Variants in DMRT3 observed in about 807,000 individuals in gnomAD.
DMRT3 encodes the protein doublesex- and mab-3-related transcription factor 3.
In DMRT3, 29 loss-of-function variants were observed where a neutral mutation model predicts 34.9. The ratio of observed to expected loss-of-function variants is 0.83; its 90% confidence interval spans 0.62 to 1.13. DMRT3 has a LOEUF of 1.13. Among genes scored for constraint, DMRT3 ranks in the 50% most tolerant of loss-of-function variants. The pLI is 0.00. For synonymous variants in DMRT3, 350 were observed against 286.0 expected (o/e 1.22, Z -2.26); for missense variants, 772 against 629.1 (o/e 1.23, Z -2.43).
Position 991,114 on chromosome 9 carries a change from A to C in DMRT3, c.*109A>C. The C allele has an allele frequency of 7.1e-7, 1 of 1,415,440 alleles. No homozygotes were observed. The highest frequency in any genetic ancestry group is 1.4e-5 in the South Asian group (1 of 72,192). 87.7% of individuals were successfully genotyped at this position (1,415,440 alleles called of 1,614,324 possible). Reference sequence around the variant, plus strand: ...TATGCCCTTTCCTTCTGTTTGACAAAGTGACTGTGCTTGATTCTATACATT... The same window carrying C: ...TATGCCCTTTCCTTCTGTTTGACAACGTGACTGTGCTTGATTCTATACATT... On this transcript the variant is annotated 3_prime_UTR_variant, in exon 2 of 2. Coordinates refer to ENST00000190165, the MANE Select transcript of DMRT3 (RefSeq NM_021240.4).
intron 1 of DMRT3, among the ~76,000 whole-genome samples, chr9:989,133 C>T (rs1820319600): frequency 6.6e-6 from 1 of 152,174 alleles, no homozygotes; most frequent in Non-Finnish European, 1.5e-5. Context: ...AAGGTATCTT[C>T]AAATTTCACT....
At chr9:979,433 A>G (rs1820189506) in intron 1 of DMRT3, among the ~76,000 whole-genome samples, 1 of 152,138 alleles carries the variant, frequency 6.6e-6, no homozygotes, top group African/African-American at 2.4e-5. Context: ...ATTGCAAAGG[A>G]GAATAGGATT....
At chr9:989,087 T>G (rs1244673237) in intron 1 of DMRT3, among the ~76,000 whole-genome samples, 2 of 152,104 alleles carry the variant, frequency 1.3e-5, no homozygotes, top group African/African-American at 4.8e-5. Flanking sequence ...TTGGGAAGCC[T>G]TTTTTTCCCT....
intron 1 of DMRT3, among the ~76,000 whole-genome samples, chr9:980,141 C>T (rs1820199229): frequency 5.3e-5 from 8 of 152,110 alleles, no homozygotes; most frequent in Admixed American, 2.0e-4. Context: ...CTCCAGAAAT[C>T]TTTGAGAAAA....
Position 990,125 on chromosome 9 carries a change from C to A in DMRT3, c.539C>A (p.Ser180Tyr). The part of the protein sequence containing the change: ...FSDKDTDQRS[S>Y]PDVAKSKGCF... ...GACAAAGACACTGACCAGAGGAGTT[C>A]CCCAGATGTGGCAAAGAGTAAGGGC... Residue 180 changes from serine (S) to tyrosine (Y), a missense_variant, in exon 2 of 2, where the codon TCC becomes TAC. Transcript: ENST00000190165. 1 of 1,614,012 alleles carries A rather than the reference C, an allele frequency of 6.2e-7. No homozygotes were observed. The highest frequency in any genetic ancestry group is 8.5e-7 in the Non-Finnish European group (1 of 1,180,004).
intron 1 of DMRT3, among the ~76,000 whole-genome samples, chr9:978,113 G>A (rs955312811): frequency 6.6e-6 from 1 of 152,244 alleles, no homozygotes; most frequent in Non-Finnish European, 1.5e-5. Context: ...AGGCTTGTGA[G>A]CTGATAGCGG....
intron 1 of DMRT3, among the ~76,000 whole-genome samples, chr9:988,028 T>C (rs189021218): frequency 2.6e-5 from 4 of 152,320 alleles, no homozygotes; most frequent in African/African-American, 9.6e-5. Flanking sequence ...TGTTGCTGTT[T>C]TTCTCTTTTG....
intron 1 of DMRT3, among the ~76,000 whole-genome samples, chr9:987,171 A>C (rs1218316732): frequency 6.6e-6 from 1 of 152,168 alleles, no homozygotes; most frequent in Non-Finnish European, 1.5e-5. Context: ...TCATCATTCC[A>C]GACGGAAACT....
At chr9:984,974 GA>G (rs541073558) in intron 1 of DMRT3, among the ~76,000 whole-genome samples, 3 of 151,392 alleles carry the variant, frequency 2.0e-5, no homozygotes, top group African/African-American at 7.3e-5. Flanking sequence ...AGCAAAAAAA[GA>G]AAAAAAAGTA....
intron 1 of DMRT3, among the ~76,000 whole-genome samples, chr9:977,661 G>T (rs1191021730): frequency 6.6e-6 from 1 of 152,228 alleles, no homozygotes; most frequent in Non-Finnish European, 1.5e-5. Context: ...ACTCGCGCCC[G>T]CAGGGAAGGC....
rs762175848 is a variant in DMRT3, at chr9:990,921, G to A, written c.1335G>A (p.Val445=). ...TCCCTGATGATGGGTGTCCATTTGT[G>A]TCAAAGCAGTCCATTTACACCGAGG... The part of the protein sequence containing the change: ...ISIPDDGCPF[V]SKQSIYTEDD... Residue 445 remains valine (V), a synonymous_variant, in exon 2 of 2, where the codon GTG becomes GTA. Coordinates refer to ENST00000190165, the MANE Select transcript of DMRT3 (RefSeq NM_021240.4). 2 of 1,614,126 alleles carry A rather than the reference G, an allele frequency of 1.2e-6. No individual in the cohort carries two copies. Among genetic ancestry groups the A allele is most frequent in the South Asian group, 1.1e-5 (1 of 91,088 alleles).
At chr9:985,933 G>A (rs975808133) in intron 1 of DMRT3, among the ~76,000 whole-genome samples, 9 of 152,196 alleles carry the variant, frequency 5.9e-5, no homozygotes, top group Admixed American at 6.5e-5. Context: ...GAGCTCAGCT[G>A]GTTGGTTGGT....
intron 1 of DMRT3, among the ~76,000 whole-genome samples, chr9:983,428 T>C (rs1476139813): frequency 6.6e-6 from 1 of 152,200 alleles, no homozygotes; most frequent in East Asian, 1.9e-4. Context: ...GCTGCTATCC[T>C]TGGAATTATT....
chr9:983,046 C>T (rs760369108), intron 1 of DMRT3, among the ~76,000 whole-genome samples: 13 of 152,172 alleles, frequency 8.5e-5, no homozygotes, highest in Non-Finnish European at 1.6e-4. Flanking sequence ...CGTCCCACAT[C>T]GCCTTAGTGA....
At chr9:989,066 C>T (rs1037096210) in intron 1 of DMRT3, among the ~76,000 whole-genome samples, 3 of 152,116 alleles carry the variant, frequency 2.0e-5, no homozygotes, top group Non-Finnish European at 4.4e-5. Context: ...TATCGCAAGT[C>T]TCTGCTTTAT....
At position 990,067 on chromosome 9, in the gene DMRT3, G is replaced by C. The variant is rs748395135; in HGVS notation, c.481G>C (p.Gly161Arg). The change falls in exon 2 of 2, where the codon GGC becomes CGC. Residue 161 changes from glycine (G) to arginine (R), a missense_variant. By Grantham distance (125) the Gly-to-Arg change is moderately radical. Transcript: ENST00000190165. ...PDLTEERLGD[G>R]KSADNTEVFS... is the part of the protein sequence containing the mutation. ...TTTGACTGAAGAACGACTTGGAGAC[G>C]GCAAGTCGGCAGACAATACAGAGGT... The C allele has an allele frequency of 2.5e-6, 4 of 1,613,552 alleles. No individual in the cohort carries two copies. Among genetic ancestry groups the C allele is most frequent in the Non-Finnish European group, 3.4e-6 (4 of 1,179,974 alleles).
chr9:990,783 G>C lies in DMRT3; in HGVS notation c.1197G>C (p.Gln399His). ...TGTGGAACACCATGACGCTGCAGCA[G>C]CAGTATCAGCTGAGGTCCCAGTATG... ...VTLWNTMTLQ[Q>H]QYQLRSQYVS... Residue 399 changes from glutamine (Q) to histidine (H), a missense_variant, in exon 2 of 2, where the codon CAG becomes CAC. By Grantham distance (24) the Gln-to-His change is conservative. Coordinates refer to ENST00000190165, the MANE Select transcript of DMRT3 (RefSeq NM_021240.4). 1 of 1,614,152 alleles carries C rather than the reference G, an allele frequency of 6.2e-7. No individual in the cohort carries two copies. Among genetic ancestry groups the C allele is most frequent in the South Asian group, 1.1e-5 (1 of 91,074 alleles).
chr9:990,687 G>A lies in DMRT3; in HGVS notation c.1101G>A (p.Arg367=), dbSNP rs762455398. ...AGCCCCCTTTCCCCCAGCCACCCCG[G>A]TACCCGCTGATGCTGAGGAATACTT... ...PLQPPFPQPP[R]YPLMLRNTLA... The change falls in exon 2 of 2, where the codon CGG becomes CGA. Residue 367 remains arginine, a synonymous_variant. Transcript: ENST00000190165. 2.5e-6 allele frequency: 4 copies of A among 1,613,974 alleles called. No individual in the cohort carries two copies. The highest frequency in any genetic ancestry group is 2.5e-6 in the Non-Finnish European group (3 of 1,180,004).
chr9:989,345 C>T (rs1050325691), intron 1 of DMRT3, among the ~76,000 whole-genome samples: 20 of 152,184 alleles, frequency 1.3e-4, no homozygotes, highest in African/African-American at 3.9e-4. Flanking sequence ...TCCTGCCATC[C>T]GGAATTCATA....
Sources: gnomAD v4.1 joint callset for allele counts (sites outside exome capture counted in the v4.1 genomes callset) on GRCh38, gnomAD v4.1.1 for gene constraint, MANE v1.5 for transcripts, NCBI Gene and HGNC (gene_info 2026-07-23, HGNC 2026-07-21) for gene names.